The following FOXP1 variants were observed in gnomAD, a reference collection of about 807,000 sequenced individuals.
FOXP1 encodes the protein forkhead box P1.
In FOXP1, 15 loss-of-function variants were observed where a neutral mutation model predicts 98.2. The ratio of observed to expected loss-of-function variants is 0.15; its 90% CI spans 0.10 to 0.24. FOXP1 has a LOEUF of 0.24. Among genes scored for constraint, FOXP1 ranks in the 10% least tolerant of loss-of-function variants. The probability of loss-of-function intolerance (pLI) is 1.00; values close to 1 mark genes in which losing one functional copy is unlikely to be tolerated. For synonymous variants in FOXP1, 371 were observed against 314.5 expected, an observed-to-expected ratio of 1.18 and a Z score of -1.90; for missense variants, 633 against 848.5, an observed-to-expected ratio of 0.75 and a Z score of 3.15.
At chr3:71,463,159 T>A (rs2088314734) in intron 3 of FOXP1, among the ~76,000 whole-genome samples, 1 of 151,870 alleles carries the variant, frequency 6.6e-6, no homozygotes, top group Non-Finnish European at 1.5e-5. Context: ...GGTCAGGAGT[T>A]CGAGACTAGC....
intron 6 of FOXP1, among the ~76,000 whole-genome samples, chr3:71,161,153 C>T (rs1435999900): frequency 6.6e-6 from 1 of 152,178 alleles, no homozygotes; most frequent in African/African-American, 2.4e-5. Context: ...GGCTTGCTTT[C>T]CAAGGTTCCC....
At chr3:71,125,361 A>G (rs769617870) in intron 6 of FOXP1, among the ~76,000 whole-genome samples, 36 of 152,246 alleles carry the variant, frequency 2.4e-4, no homozygotes, top group Non-Finnish European at 4.9e-4. Context: ...CCATAGACGT[A>G]TGGATTTGGA....
intron 6 of FOXP1, among the ~76,000 whole-genome samples, chr3:71,151,160 T>C (rs769954905): frequency 2.6e-5 from 4 of 152,190 alleles, no homozygotes; most frequent in Admixed American, 1.3e-4. Flanking sequence ...CCTTCTCAAC[T>C]GTGAAATGGG....
At chr3:71,577,828 T>C (rs565452233) in intron 2 of FOXP1, among the ~76,000 whole-genome samples, 1 of 152,268 alleles carries the variant, frequency 6.6e-6, no homozygotes, top group Non-Finnish European at 1.5e-5. Context: ...AAGTATACAT[T>C]GGCTCAGGTA....
intron 5 of FOXP1, among the ~76,000 whole-genome samples, chr3:71,290,883 T>C (rs1341753829): frequency 1.3e-5 from 2 of 152,110 alleles, no homozygotes; most frequent in African/African-American, 4.8e-5. Context: ...ATCAGAAATA[T>C]TTCTGGTCCC....
At chr3:71,387,278 G>A (rs1333499363) in intron 3 of FOXP1, among the ~76,000 whole-genome samples, 4 of 152,266 alleles carry the variant, frequency 2.6e-5, no homozygotes, top group African/African-American at 4.8e-5. Flanking sequence ...TGCTGGTCTC[G>A]TGCACACAAT....
chr3:71,198,664 T>C (rs2063464409), intron 5 of FOXP1, among the ~76,000 whole-genome samples: 1 of 152,140 alleles, frequency 6.6e-6, no homozygotes, highest in Non-Finnish European at 1.5e-5. Flanking sequence ...TATTTGTAAG[T>C]AAACCTAGAA....
At chr3:71,340,122 C>T (rs1446024557) in intron 4 of FOXP1, among the ~76,000 whole-genome samples, 4 of 152,134 alleles carry the variant, frequency 2.6e-5, no homozygotes, top group African/African-American at 4.8e-5. Flanking sequence ...TGGGTGCTTG[C>T]GTAGATAACC....
At chr3:71,009,383 T>A (rs2043254727) in intron 12 of FOXP1, among the ~76,000 whole-genome samples, 1 of 152,180 alleles carries the variant, frequency 6.6e-6, no homozygotes, top group Admixed American at 6.6e-5. Context: ...AACGGCTGCT[T>A]TTGTACCCCA....
intron 3 of FOXP1, among the ~76,000 whole-genome samples, chr3:71,399,429 A>C (rs1262034513): frequency 6.6e-6 from 1 of 151,468 alleles, no homozygotes; most frequent in African/African-American, 2.5e-5. Flanking sequence ...ATCTCCCACC[A>C]TACATTTTAG....
At chr3:71,104,376 C>T (rs987876183) in intron 7 of FOXP1, among the ~76,000 whole-genome samples, 7 of 152,152 alleles carry the variant, frequency 4.6e-5, no homozygotes, top group Non-Finnish European at 1.0e-4. Context: ...GGGATCACAG[C>T]CTATCCAAGA....
At chr3:71,326,147 T>A (rs2075678187) in intron 4 of FOXP1, among the ~76,000 whole-genome samples, 1 of 152,208 alleles carries the variant, frequency 6.6e-6, no homozygotes, top group Admixed American at 6.5e-5. Context: ...TGGCACGCAT[T>A]AGCAGGAAGA....
intron 11 of FOXP1, among the ~76,000 whole-genome samples, chr3:71,033,926 G>C (rs758930114): frequency 6.6e-6 from 1 of 152,134 alleles, no homozygotes; most frequent in Non-Finnish European, 1.5e-5. Context: ...CCCTAAGTAG[G>C]TTACCTCCCC....
rs78283082 is a variant in FOXP1, at chr3:71,251,248, T to C, written c.-12+48572A>G. On this transcript the variant is annotated intron_variant, in intron 5 of 20. Transcript: ENST00000649528. ...ACATCAGCTATCCTGCAGAAAGTGC[T>C]CTGCTCCAGCAACTCAAATAACTCA... Among the ~76,000 whole-genome samples the C allele has an allele frequency of 6.9e-3, 1,056 of 152,342 alleles. 7 individuals carry two copies. The highest frequency in any genetic ancestry group is 0.014 in the Middle Eastern group (4 of 294).
At chr3:71,012,775 T>C (rs1197120994) in intron 12 of FOXP1, among the ~76,000 whole-genome samples, 1 of 152,136 alleles carries the variant, frequency 6.6e-6, no homozygotes, top group Non-Finnish European at 1.5e-5. Flanking sequence ...CTCACCTCTG[T>C]TTCCCTGGGG....
chr3:70,997,508 G>A (rs943641955), intron 13 of FOXP1, among the ~76,000 whole-genome samples: 4 of 152,174 alleles, frequency 2.6e-5, no homozygotes, highest in African/African-American at 9.7e-5. Flanking sequence ...TCTTAACTGT[G>A]TCTCAGGGCA....
At position 71,337,256 on chromosome 3, in the gene FOXP1, T is replaced by A. The variant is rs545485944; in HGVS notation, c.-73+21894A>T. Among the ~76,000 whole-genome samples the A allele has an allele frequency of 1.2e-4, 19 of 152,388 alleles. No individual in the cohort carries two copies. The East Asian group carries it at 3.7e-3, about 29-fold the overall frequency. On this transcript the variant is annotated intron_variant, in intron 4 of 20. Transcript: ENST00000649528. ...AGGTTCCCTGCCTTAAAACAATTTT[T>A]ATGTAAATATATACAAATACATATA...
intron 3 of FOXP1, among the ~76,000 whole-genome samples, chr3:71,420,089 G>A (rs1021591067): frequency 1.3e-5 from 2 of 151,976 alleles, no homozygotes; most frequent in Admixed American, 6.6e-5. Flanking sequence ...GAGCCACTGC[G>A]CCCGACCAGG....
chr3:71,019,491 C>T (rs763294867), intron 11 of FOXP1, among the ~76,000 whole-genome samples: 1 of 152,080 alleles, frequency 6.6e-6, no homozygotes, highest in African/African-American at 2.4e-5. Flanking sequence ...TTCCTAGGGG[C>T]AGGGATCACT....
Sources: gnomAD v4.1 joint callset for allele counts (sites outside exome capture counted in the v4.1 genomes callset) on GRCh38, gnomAD v4.1.1 for gene constraint, MANE v1.5 for transcripts, NCBI Gene and HGNC (gene_info 2026-07-23, HGNC 2026-07-21) for gene names.